The following CLPTM1 variants were observed in gnomAD, a reference collection of about 807,000 sequenced individuals.
CLPTM1 encodes putative lipid scramblase CLPTM1.
A neutral mutation model predicts 77.3 loss-of-function variants in CLPTM1; 21 were observed. The observed-to-expected ratio is 0.27, with a 90% CI of 0.19 to 0.39. The LOEUF (loss-of-function observed/expected upper bound fraction) is 0.39. Ranked by LOEUF, CLPTM1 falls within the 10% of genes least tolerant of loss-of-function variation. The pLI, the probability that CLPTM1 is intolerant of heterozygous loss-of-function variation, is 1.00. For missense variants in CLPTM1, 642 were observed against 921.2 expected (o/e 0.70, Z 3.92); for synonymous variants, 373 against 381.0 (o/e 0.98, Z 0.24).
In CLPTM1 at chr19:44,974,054, G is replaced by A. The variant is rs527778782; in HGVS notation, c.310-385G>A. On this transcript the variant is annotated intron_variant, in intron 3 of 13. Transcript: ENST00000337392. ...GCTGGGATCACAGGCATGAGCCACC[G>A]TGCCCGGTGGCTCACAGTGCTTTTG... Among the ~76,000 whole-genome samples, 448 of 152,096 alleles carry A rather than the reference G, an allele frequency of 2.9e-3. 3 individuals are homozygous for A. Among genetic ancestry groups the A allele is most frequent in the South Asian group, 7.3e-3 (35 of 4,818 alleles).
chr19:44,979,589 A>T (rs1283761219), intron 5 of CLPTM1, among the ~76,000 whole-genome samples: 1 of 152,114 alleles, frequency 6.6e-6, no homozygotes, highest in Non-Finnish European at 1.5e-5. Context: ...AAAGGATGGT[A>T]ATTTTTTTTT....
chr19:44,992,685 A>G lies in CLPTM1; in HGVS notation c.1798A>G (p.Met600Val), dbSNP rs2032419901. The change falls in exon 14 of 14, where the codon ATG becomes GTG. Residue 600 changes from methionine (M) to valine (V), a missense_variant. By Grantham distance (21) the Met-to-Val change is conservative. Coordinates refer to ENST00000337392, the MANE Select transcript of CLPTM1 (RefSeq NM_001294.4). This position sits in a 1 kb window ranked among gnomAD's most constrained non-coding sequence, Gnocchi z 7.7. ...CCCCACCCGAGTCAACGAGTTTGGC[A>G]TGAGTGGAGAAGACCCCACAGCTGC... Reference protein sequence around the residue: ...VDPTRVNEFGMSGEDPTAAAP... With the variant: ...VDPTRVNEFGVSGEDPTAAAP... The G allele has an allele frequency of 6.2e-7, 1 of 1,613,814 alleles. No individual in the cohort carries two copies. Among genetic ancestry groups the G allele is most frequent in the Non-Finnish European group, 8.5e-7 (1 of 1,179,904 alleles).
chr19:44,967,552 G>T (rs1017977815), intron 2 of CLPTM1, among the ~76,000 whole-genome samples: 2 of 151,992 alleles, frequency 1.3e-5, no homozygotes, highest in African/African-American at 4.8e-5. Context: ...AGCTATTCAG[G>T]AGGCTGAGGC....
intron 1 of CLPTM1, among the ~76,000 whole-genome samples, chr19:44,961,104 C>A (rs925812666): frequency 2.2e-4 from 33 of 152,308 alleles, no homozygotes; most frequent in African/African-American, 7.9e-4. Context: ...TTCTGCGGTC[C>A]TTCCTGAGTG....
At chr19:44,964,828 G>A (rs371440332) in intron 2 of CLPTM1, among the ~76,000 whole-genome samples, 2 of 152,116 alleles carry the variant, frequency 1.3e-5, no homozygotes, top group South Asian at 4.2e-4. Flanking sequence ...TCCTGTATGT[G>A]GAATCAGACA....
At chr19:44,963,732 G>A (rs1432424656) in intron 2 of CLPTM1, among the ~76,000 whole-genome samples, 1 of 152,140 alleles carries the variant, frequency 6.6e-6, no homozygotes, top group African/African-American at 2.4e-5. Context: ...CGATTCTCCT[G>A]CCTCAGCCTC....
chr19:44,991,384 C>A lies in CLPTM1; in HGVS notation c.1555+11C>A. ...TCCTGCTGACCTTCGGTGAGCGGTC[C>A]GGCCGCCCCAGGAGAGAGCAGGCCC... On this transcript the variant is annotated intron_variant, in intron 12 of 13. Transcript: ENST00000337392. The surrounding 1 kb of genome is among the most constrained non-coding windows in gnomAD (Gnocchi z 5.4). 3.7e-6 allele frequency: 6 copies of A among 1,609,458 alleles called. No homozygotes were observed. The highest frequency in any genetic ancestry group is 5.1e-6 in the Non-Finnish European group (6 of 1,179,732).
At position 44,955,380 on chromosome 19, in the gene CLPTM1, GA is replaced by G; in HGVS notation, c.-15del. The G allele has an allele frequency of 7.7e-7, 1 of 1,305,366 alleles. No individual in the cohort carries two copies. The highest frequency in any genetic ancestry group is 3.1e-5 in the East Asian group (1 of 32,396). The allele number at this position is 1,305,366 out of a possible 1,614,324, so 80.9% of individuals were successfully genotyped here. On this transcript the variant is annotated 5_prime_UTR_variant, in exon 1 of 14. Transcript: ENST00000337392. ...GGGCGGGGCTGGCGGCGGGGGCGGG[GA>G]CCCGGAGCGGGAAGATGGCGGCGGC...
In CLPTM1 at chr19:44,974,605, C is replaced by T. The variant is rs1418962448; in HGVS notation, c.468+8C>T. ...GAGCTCGATATCCCACAGGTGGGGGCAGCTCTCGGTTTCTGGCCCCATGGC... is the reference window on the plus strand; with the variant it reads ...GAGCTCGATATCCCACAGGTGGGGGTAGCTCTCGGTTTCTGGCCCCATGGC... On this transcript the variant is annotated splice_region_variant and intron_variant, in intron 4 of 13. Transcript: ENST00000337392. The T allele has an allele frequency of 1.2e-6, 2 of 1,611,718 alleles. No individual in the cohort carries two copies. Among genetic ancestry groups the T allele is most frequent in the South Asian group, 1.1e-5 (1 of 90,944 alleles).
intron 3 of CLPTM1, 21 bp from the exon 4 acceptor site, chr19:44,974,418 G>C (rs755434417): frequency 7.7e-5 from 123 of 1,605,332 alleles, no homozygotes; most frequent in Non-Finnish European, 8.2e-5. Flanking sequence ...CCTGAGCTCT[G>C]TTCCCTTCCT....
chr19:44,967,667 A>G (rs1056478380), intron 2 of CLPTM1, among the ~76,000 whole-genome samples: 3 of 152,148 alleles, frequency 2.0e-5, no homozygotes, highest in Non-Finnish European at 4.4e-5. Context: ...CAAAAAAAAA[A>G]AAAAACAACT....
chr19:44,977,613 C>T (rs576997125), intron 5 of CLPTM1, among the ~76,000 whole-genome samples, 153 bp downstream of exon 5: 98 of 152,248 alleles, frequency 6.4e-4, no homozygotes, highest in Non-Finnish European at 1.2e-3. Flanking sequence ...GGCTCAAGCC[C>T]CACCCAGCCT....
At chr19:44,979,078 C>G (rs530162279) in intron 5 of CLPTM1, among the ~76,000 whole-genome samples, 103 of 150,886 alleles carry the variant, frequency 6.8e-4, no homozygotes, top group African/African-American at 2.0e-3. Flanking sequence ...CTCCCAAGTT[C>G]AAGCGATTCT....
At chr19:44,977,555 A>G (rs1970825144) in intron 5 of CLPTM1, 95 bp downstream of exon 5, 1 of 951,954 alleles carries the variant, frequency 1.1e-6, no homozygotes, top group Non-Finnish European at 1.7e-6. Flanking sequence ...CAAGTCCAGG[A>G]GGGCAGGCAG....
chr19:44,987,199 A>G lies in CLPTM1; in HGVS notation c.814A>G (p.Ser272Gly). ...LDQYVKFDAV[S>G]GDYYPIIYFN... is the part of the protein sequence containing the mutation. The stretch of plus-strand genomic sequence containing the variant: ...TGCAGATGTGAAGTTCGACGCCGTG[A>G]GCGGTGACTACTATCCCATCATCTA... The change falls in exon 8 of 14, where the codon AGC (serine) becomes GGC (glycine). Residue 272 changes from serine (S) to glycine (G), a missense_variant. Ser to Gly is a moderately conservative substitution (Grantham distance 56). Transcript: ENST00000337392. 1 of 1,611,588 alleles carries G rather than the reference A, an allele frequency of 6.2e-7. No homozygotes were observed. The highest frequency in any genetic ancestry group is 2.2e-5 in the East Asian group (1 of 44,810).
chr19:44,969,307 G>A (rs917615096), intron 2 of CLPTM1, among the ~76,000 whole-genome samples: 1 of 152,190 alleles, frequency 6.6e-6, no homozygotes, highest in African/African-American at 2.4e-5. Context: ...TGAGGTCACA[G>A]TAAGTAGCAG....
intron 5 of CLPTM1, among the ~76,000 whole-genome samples, chr19:44,978,170 G>A (rs1970835655): frequency 6.6e-6 from 1 of 152,030 alleles, no homozygotes; most frequent in Non-Finnish European, 1.5e-5. Context: ...ACTTTGGGAG[G>A]CCGAGGCGGG....
At chr19:44,965,657 C>G (rs1970617100) in intron 2 of CLPTM1, among the ~76,000 whole-genome samples, 1 of 149,930 alleles carries the variant, frequency 6.7e-6, no homozygotes, top group Non-Finnish European at 1.5e-5. Context: ...ACTGAAAATA[C>G]AAAAAAATTA....
intron 7 of CLPTM1, 188 bp downstream of exon 7, chr19:44,986,763 C>G: frequency 1.5e-6 from 1 of 689,554 alleles, no homozygotes; most frequent in Non-Finnish European, 2.3e-6. Flanking sequence ...CCTGGGGACC[C>G]CAGGACTGAC....
Sources: allele counts gnomAD v4.1 joint callset (sites outside exome capture counted in the v4.1 genomes callset), GRCh38; gene constraint gnomAD v4.1.1; non-coding constraint Gnocchi (gnomAD v3.1); transcripts MANE v1.5; gene names NCBI Gene and HGNC (gene_info 2026-07-23, HGNC 2026-07-21).